ZBTB20: variants seen among roughly 807,000 people sequenced by gnomAD.
ZBTB20 encodes the protein zinc finger and BTB domain containing 20, also known as zinc finger and BTB domain-containing protein 20.
ZBTB20 carries 9 observed loss-of-function variants against 56.9 expected under a neutral mutation model. The ratio of observed to expected loss-of-function variants is 0.16; its 90% CI spans 0.10 to 0.28. The LOEUF (loss-of-function observed/expected upper bound fraction) is 0.28, where lower values mean the gene tolerates loss of function less well. ZBTB20 is among the 10% of genes least tolerant of loss of function. ZBTB20 has a pLI of 1.00. For missense variants in ZBTB20, 655 were observed against 1,003.0 expected (o/e 0.65, Z 4.69); for synonymous variants, 417 against 420.7 (o/e 0.99, Z 0.11).
chr3:114,357,586 G>A (rs1197554044), intron 10 of ZBTB20, among the ~76,000 whole-genome samples: 2 of 152,152 alleles, frequency 1.3e-5, no homozygotes, highest in Non-Finnish European at 2.9e-5. Context: ...GGTATGTATA[G>A]TTTTTATAAA....
chr3:114,617,401 G>A (rs148443899), intron 6 of ZBTB20, among the ~76,000 whole-genome samples: 2 of 152,182 alleles, frequency 1.3e-5, no homozygotes, highest in East Asian at 1.9e-4. Flanking sequence ...TTCCCAGCAC[G>A]GATTTATCAG....
intron 2 of ZBTB20, among the ~76,000 whole-genome samples, chr3:114,985,043 C>G (rs1264481946): frequency 2.0e-5 from 3 of 152,052 alleles, no homozygotes; most frequent in African/African-American, 7.2e-5. Flanking sequence ...ACTATCCACC[C>G]TATCTGACCC....
At position 114,811,265 on chromosome 3, in the gene ZBTB20, C is replaced by T. The variant is rs933043497; in HGVS notation, c.-416-10091G>A. Among the ~76,000 whole-genome samples the T allele has an allele frequency of 1.5e-4, 23 of 152,258 alleles. No individual in the cohort carries two copies. The South Asian group carries it at 1.7e-3, about 11-fold the overall frequency. Reference sequence around the variant, plus strand: ...CACTCAGGTTATACTTCCTTGGGAACACACAAAGGGAATAAGCTCCTTTTG... The same window carrying T: ...CACTCAGGTTATACTTCCTTGGGAATACACAAAGGGAATAAGCTCCTTTTG... On this transcript the variant is annotated intron_variant, in intron 4 of 11. Coordinates refer to ENST00000675478, the MANE Select transcript of ZBTB20 (RefSeq NM_001348800.3).
chr3:114,528,074 T>G (rs1487399097), intron 6 of ZBTB20, among the ~76,000 whole-genome samples: 1 of 152,066 alleles, frequency 6.6e-6, no homozygotes, highest in Non-Finnish European at 1.5e-5. Flanking sequence ...CTTTATCTTT[T>G]AATTAAAGAA....
At chr3:114,551,739 T>A (rs1230599090) in intron 6 of ZBTB20, among the ~76,000 whole-genome samples, 1 of 152,232 alleles carries the variant, frequency 6.6e-6, no homozygotes, top group Non-Finnish European at 1.5e-5. Flanking sequence ...CAATATGAAG[T>A]ATTTTCCTTG....
intron 1 of ZBTB20, among the ~76,000 whole-genome samples, chr3:115,143,227 T>A (rs1298574071): frequency 1.3e-5 from 2 of 152,222 alleles, no homozygotes; most frequent in Non-Finnish European, 2.9e-5. Context: ...TCCTCTTGCA[T>A]TACAAATAAG....
chr3:114,349,934 T>A (rs922856516), intron 11 of ZBTB20, among the ~76,000 whole-genome samples: 4 of 152,202 alleles, frequency 2.6e-5, no homozygotes, highest in Non-Finnish European at 5.9e-5. Context: ...TGGCTGGGTG[T>A]AAGAGCTCAA....
intron 7 of ZBTB20, among the ~76,000 whole-genome samples, chr3:114,413,610 C>T (rs560350644): frequency 3.3e-5 from 5 of 152,204 alleles, no homozygotes; most frequent in African/African-American, 7.2e-5. Context: ...TTCTTATAAT[C>T]ACATGCTTGT....
intron 6 of ZBTB20, among the ~76,000 whole-genome samples, chr3:114,675,577 C>T (rs2061583010): frequency 6.6e-6 from 1 of 152,022 alleles, no homozygotes; most frequent in South Asian, 2.1e-4. Flanking sequence ...ACAGAAAAAT[C>T]AATGGGTGGG....
chr3:114,965,801 T>A (rs1454554515), intron 3 of ZBTB20, among the ~76,000 whole-genome samples: 1 of 152,220 alleles, frequency 6.6e-6, no homozygotes, highest in South Asian at 2.1e-4. Flanking sequence ...CATTTGTATG[T>A]CTTCTTTTGA....
intron 7 of ZBTB20, among the ~76,000 whole-genome samples, chr3:114,465,140 T>C (rs1362080257): frequency 6.6e-6 from 1 of 152,108 alleles, no homozygotes; most frequent in Non-Finnish European, 1.5e-5. Context: ...TAAGAGATAT[T>C]TTATTTTTTA....
At chr3:114,830,107 C>A (rs946014106) in intron 4 of ZBTB20, among the ~76,000 whole-genome samples, 1 of 151,832 alleles carries the variant, frequency 6.6e-6, no homozygotes, top group African/African-American at 2.4e-5. Flanking sequence ...CATCCGTTCC[C>A]TAACCTATGC....
intron 7 of ZBTB20, among the ~76,000 whole-genome samples, chr3:114,469,072 A>C (rs1449147967): frequency 6.6e-6 from 1 of 151,448 alleles, no homozygotes; most frequent in Non-Finnish European, 1.5e-5. Flanking sequence ...CTTTAACCTT[A>C]AAGGTTGGCT....
At chr3:114,707,958 T>C (rs1270158721) in intron 5 of ZBTB20, among the ~76,000 whole-genome samples, 1 of 152,156 alleles carries the variant, frequency 6.6e-6, no homozygotes, top group African/African-American at 2.4e-5. Context: ...GTACTTGGAA[T>C]TGCAAAGTCT....
intron 4 of ZBTB20, among the ~76,000 whole-genome samples, chr3:114,839,203 C>T (rs111681614): frequency 6.6e-6 from 1 of 152,024 alleles, no homozygotes; most frequent in Non-Finnish European, 1.5e-5. Context: ...GAGTTCAAGA[C>T]CAGCTTTGGC....
intron 1 of ZBTB20, among the ~76,000 whole-genome samples, chr3:115,087,362 T>A (rs2083025393): frequency 6.6e-6 from 1 of 151,862 alleles, no homozygotes; most frequent in African/African-American, 2.4e-5. Context: ...ATTACTTACA[T>A]GATCCAAATA....
Position 114,796,077 on chromosome 3 carries a change from A to G in ZBTB20, c.-343+5024T>C, listed in dbSNP as rs537579752. Among the ~76,000 whole-genome samples the G allele has an allele frequency of 8.5e-5, 13 of 152,118 alleles. No individual in the cohort carries two copies. The South Asian group carries it at 2.5e-3, about 29-fold the overall frequency. ...CTTGTTGGCTTATAAATAATACCCA[A>G]TATTTATTATCTCACAGTTTTGGAG... is the stretch of plus-strand genomic sequence containing the variant. On this transcript the variant is annotated intron_variant, in intron 5 of 11. Transcript: ENST00000675478.
At chr3:114,723,746 A>T (rs2065072945) in intron 5 of ZBTB20, among the ~76,000 whole-genome samples, 1 of 152,256 alleles carries the variant, frequency 6.6e-6, no homozygotes, top group African/African-American at 2.4e-5. Context: ...AATATTTATT[A>T]AAACAAGCCA....
Position 114,994,528 on chromosome 3 carries a change from G to C in ZBTB20, c.-506-20112C>G, listed in dbSNP as rs536376844. 3.6e-3 allele frequency among the ~76,000 whole-genome samples: 543 copies of C among 151,902 alleles called. 4 individuals are homozygous for C. Among genetic ancestry groups the C allele is most frequent in the African/African-American group, 0.012 (516 of 41,492 alleles). On this transcript the variant is annotated intron_variant, in intron 2 of 11. Coordinates refer to ENST00000675478, the MANE Select transcript of ZBTB20 (RefSeq NM_001348800.3). ...AACAGATCCATTAATTTAGTACTTA[G>C]GTCTAAACAATTAAATAAGTATTTT...
Sources: gnomAD v4.1 joint callset for allele counts (sites outside exome capture counted in the v4.1 genomes callset) on GRCh38, gnomAD v4.1.1 for gene constraint, MANE v1.5 for transcripts, NCBI Gene and HGNC (gene_info 2026-07-23, HGNC 2026-07-21) for gene names.